Variants in RECQL5 observed in about 807,000 individuals in gnomAD.
RECQL5 encodes RecQ like helicase 5, also known as ATP-dependent DNA helicase Q5.
In RECQL5, 88 loss-of-function variants were observed where a neutral mutation model predicts 103.4. The ratio of observed to expected loss-of-function variants is 0.85; its 90% CI spans 0.72 to 1.02. The LOEUF (loss-of-function observed/expected upper bound fraction) is 1.02, where lower values mean the gene tolerates loss of function less well. Among genes scored for constraint, RECQL5 ranks in the 50% least tolerant of loss-of-function variants. The pLI is 0.00. For missense variants in RECQL5, 1,232 were observed against 1,284.3 expected (o/e 0.96, Z 0.62); for synonymous variants, 552 against 507.9 (o/e 1.09, Z -1.17).
chr17:75,631,118 C>T, intron 10 of RECQL5, 32 bp downstream of exon 10: 4 of 1,611,034 alleles, frequency 2.5e-6, no homozygotes, highest in African/African-American at 1.3e-5. Flanking sequence ...CCACCAGGGG[C>T]CCCACACAGG....
At position 75,640,727 on chromosome 17, in the gene RECQL5, G is replaced by T; in HGVS notation, c.1230-9059C>A. 6.6e-7 allele frequency: 1 copy of T among 1,525,178 alleles called. No individual in the cohort carries two copies. The allele number at this position is 1,525,178 out of a possible 1,614,324, so 94.5% of individuals were successfully genotyped here. A position where few individuals can be genotyped will look rare whatever the true frequency, so the allele number is the denominator to read the frequency against. On this transcript the variant is annotated intron_variant, in intron 8 of 19. Transcript: ENST00000317905. The surrounding 1 kb of genome is among the most constrained non-coding windows in gnomAD (Gnocchi z 4.6). ...CCCTGGCAGGCAGTGGGTTTCTCTG[G>T]GAGGAGGGTGGGCATCCTTTCTCTC...
intron 9 of RECQL5, 27 bp from the exon 10 acceptor site, chr17:75,631,276 C>T (rs1568259749): frequency 6.2e-7 from 1 of 1,608,196 alleles, no homozygotes; most frequent in Non-Finnish European, 8.5e-7. Context: ...CGTGAGTGGC[C>T]CTGGCCTGGG....
intron 8 of RECQL5, among the ~76,000 whole-genome samples, chr17:75,634,921 T>C (rs2059290437): frequency 6.6e-6 from 1 of 152,086 alleles, no homozygotes; most frequent in African/African-American, 2.4e-5. Flanking sequence ...GCCACCGTGA[T>C]GCACAGGCTG....
rs1417082679 is a variant in RECQL5 at position 75,627,524 on chromosome 17, T to C, written c.2876-2A>G. 1 of 1,613,614 alleles carries C rather than the reference T, an allele frequency of 6.2e-7. No individual in the cohort carries two copies. The highest frequency in any genetic ancestry group is 8.5e-7 in the Non-Finnish European group (1 of 1,179,826). On this transcript the variant is annotated splice_acceptor_variant, in intron 19 of 19. Transcript: ENST00000317905. LOFTEE classifies it high-confidence loss of function. Reference sequence around the variant, plus strand: ...TGAGGTTCTGGGCCTCTTCTTTCACTACAGATTCAGGGTGGGGGCATGAGG... The same window carrying C: ...TGAGGTTCTGGGCCTCTTCTTTCACCACAGATTCAGGGTGGGGGCATGAGG...
chr17:75,630,822 A>C lies in RECQL5; in HGVS notation c.1601T>G (p.Leu534Arg). ...GATCCTCCTGCTAGAAGCCTCTTTC[A>C]GGGGACAGTTCTCATCTGTGGGGGG... ...EFVPPDENCP[L>R]KEASSRRIPR... Residue 534 changes from leucine to arginine, a missense_variant, in exon 12 of 20, where the codon CTG becomes CGG. Coordinates refer to ENST00000317905, the MANE Select transcript of RECQL5 (RefSeq NM_004259.7). 1 of 1,209,358 alleles carries C rather than the reference A, an allele frequency of 8.3e-7. No individual in the cohort carries two copies. The highest frequency in any genetic ancestry group is 1.1e-6 in the Non-Finnish European group (1 of 904,228). The allele number at this position is 1,209,358 out of a possible 1,614,324, so 74.9% of individuals were successfully genotyped here. A position where few individuals can be genotyped will look rare whatever the true frequency, so the allele number is the denominator to read the frequency against.
Position 75,666,435 on chromosome 17 carries a change from T to C in RECQL5, c.123A>G (p.Val41=). ...GTAGCTTGGTAATGTTACCTTTTAC[T>C]ACAGCCATGGTCGCACTCTCCTGTA... The part of the protein sequence containing the change: ...TPLQESATMA[V]VKGNKDVFVC... The change falls in exon 2 of 20, where the codon GTA becomes GTG. Residue 41 remains valine, a synonymous_variant. Coordinates refer to ENST00000317905, the MANE Select transcript of RECQL5 (RefSeq NM_004259.7). 6.2e-7 allele frequency: 1 copy of C among 1,613,932 alleles called. No individual in the cohort carries two copies. The highest frequency in any genetic ancestry group is 8.5e-7 in the Non-Finnish European group (1 of 1,179,946).
chr17:75,629,161 G>A lies in RECQL5; in HGVS notation c.2262C>T (p.Ala754=). ...TCTGAGAATCCTTGTGGGCCGCTGT[G>A]GCTAGGAGCTGCTGTTTCTTGCTAG... The part of the protein sequence containing the change: ...GRASKKQQLL[A]TAAHKDSQSI... The change falls in exon 16 of 20, where the codon GCC becomes GCT. Residue 754 remains alanine (A), a synonymous_variant. Transcript: ENST00000317905. The A allele has an allele frequency of 1.2e-6, 2 of 1,613,820 alleles. No individual in the cohort carries two copies. Among genetic ancestry groups the A allele is most frequent in the Non-Finnish European group, 1.7e-6 (2 of 1,180,004 alleles).
rs2059333100 is a variant in RECQL5 at position 75,636,885 on chromosome 17, G to A, written c.1230-5217C>T. ...ACCCCTGGGTCAGACCCTGGGGCTGGGTGAGGCTGGCCATGCCTGGCTGGC... is the reference window on the plus strand; with the variant it reads ...ACCCCTGGGTCAGACCCTGGGGCTGAGTGAGGCTGGCCATGCCTGGCTGGC... On this transcript the variant is annotated intron_variant, in intron 8 of 19. Transcript: ENST00000317905. The surrounding 1 kb of genome is among the most constrained non-coding windows in gnomAD (Gnocchi z 5.4). The A allele has an allele frequency of 6.6e-6, 1 of 152,302 alleles. No homozygotes were observed. The highest frequency in any genetic ancestry group is 1.5e-5 in the Non-Finnish European group (1 of 68,108). The allele number at this position is 152,302 out of a possible 1,614,324, so 9.4% of individuals were successfully genotyped here.
In RECQL5 at chr17:75,631,702, G is replaced by C. The variant is rs768747493; in HGVS notation, c.1230-34C>G. Reference sequence around the variant, plus strand: ...GGCAGCACCGCAGAGGTGAGGGGCGGAGAGCCCAGTCGGCCAGCGTCTGTT... The same window carrying C: ...GGCAGCACCGCAGAGGTGAGGGGCGCAGAGCCCAGTCGGCCAGCGTCTGTT... On this transcript the variant is annotated intron_variant, in intron 8 of 19. Coordinates refer to ENST00000317905, the MANE Select transcript of RECQL5 (RefSeq NM_004259.7). 1.1e-5 allele frequency: 17 copies of C among 1,596,316 alleles called. No individual in the cohort carries two copies. The South Asian group carries it at 1.9e-4, about 18-fold the overall frequency.
chr17:75,665,162 G>T lies in RECQL5; in HGVS notation c.141C>A (p.Asp47Glu). The T allele has an allele frequency of 6.2e-7, 1 of 1,608,494 alleles. No homozygotes were observed. Among genetic ancestry groups the T allele is most frequent in the Non-Finnish European group, 8.5e-7 (1 of 1,178,314 alleles). The change falls in exon 3 of 20, where the codon GAC becomes GAA. Residue 47 changes from aspartate to glutamate, a missense_variant. Asp to Glu is a conservative substitution (Grantham distance 45). Coordinates refer to ENST00000317905, the MANE Select transcript of RECQL5 (RefSeq NM_004259.7). Reference sequence around the variant, plus strand: ...CCCCTGTGGGCATGCACACAAAGACGTCCTTGTTACCTGAAAAAATACAAG... The same window carrying T: ...CCCCTGTGGGCATGCACACAAAGACTTCCTTGTTACCTGAAAAAATACAAG... ...ATMAVVKGNK[D>E]VFVCMPTGAG...
At chr17:75,651,894 G>C (rs545371957) in intron 7 of RECQL5, among the ~76,000 whole-genome samples, 1 of 152,246 alleles carries the variant, frequency 6.6e-6, no homozygotes, top group African/African-American at 2.4e-5. Context: ...GTATATTGGA[G>C]GGAGATATAT....
At position 75,627,460 on chromosome 17, in the gene RECQL5, C is replaced by T. The variant is rs761941890; in HGVS notation, c.2938G>A (p.Glu980Lys). 1.8e-5 allele frequency: 29 copies of T among 1,613,592 alleles called. No individual in the cohort carries two copies. The highest frequency in any genetic ancestry group is 1.3e-4 in the South Asian group (12 of 91,094). The stretch of plus-strand genomic sequence containing the variant: ...CCACACAGGCCATGCCAGTCAGCTT[C>T]GCTCTCGCACCGGGCCCGGCCATGG... Reference protein sequence around the residue: ...FFHGRARCESEADWHGLCGPQ... With the variant: ...FFHGRARCESKADWHGLCGPQ... The change falls in exon 20 of 20, where the codon GAA becomes AAA. Residue 980 changes from glutamate to lysine, a missense_variant. By Grantham distance (56) the Glu-to-Lys change is moderately conservative. Transcript: ENST00000317905.
intron 8 of RECQL5, among the ~76,000 whole-genome samples, chr17:75,648,474 G>T (rs565778049): frequency 6.6e-6 from 1 of 151,868 alleles, no homozygotes; most frequent in Non-Finnish European, 1.5e-5. Flanking sequence ...CCCGGGTCAC[G>T]CCATTCTCCT....
intron 1 of RECQL5, 91 bp from the exon 2 acceptor site, chr17:75,666,662 T>G: frequency 1.6e-6 from 2 of 1,274,424 alleles, no homozygotes; most frequent in Non-Finnish European, 2.2e-6. Context: ...CTGTAACAAT[T>G]TGCTATATTA....
At chr17:75,660,330 A>G (rs969902193) in intron 6 of RECQL5, among the ~76,000 whole-genome samples, 1 of 152,242 alleles carries the variant, frequency 6.6e-6, no homozygotes, top group African/African-American at 2.4e-5. Context: ...TTGGCTTCCC[A>G]AAGTGCTGGG....
At chr17:75,647,686 C>T (rs1182533905) in intron 8 of RECQL5, 3 of 967,082 alleles carry the variant, frequency 3.1e-6, no homozygotes, top group Non-Finnish European at 4.6e-6. Flanking sequence ...TCTTCCTTTC[C>T]CATCAGGAAA....
At chr17:75,659,763 G>A (rs561937585) in intron 6 of RECQL5, among the ~76,000 whole-genome samples, 1 of 152,186 alleles carries the variant, frequency 6.6e-6, no homozygotes, top group Non-Finnish European at 1.5e-5. Flanking sequence ...CGAAGACCAT[G>A]TATGCAAACA....
Position 75,640,385 on chromosome 17 carries a change from C to T in RECQL5, c.1230-8717G>A. ...TCCCTGGCATCTGGGAGAGACCACACCATGGTGCCAGCCAGAGGGCTGGCA... is the reference window on the plus strand; with the variant it reads ...TCCCTGGCATCTGGGAGAGACCACATCATGGTGCCAGCCAGAGGGCTGGCA... On this transcript the variant is annotated intron_variant, in intron 8 of 19. Coordinates refer to ENST00000317905, the MANE Select transcript of RECQL5 (RefSeq NM_004259.7). This position sits in a 1 kb window ranked among gnomAD's most constrained non-coding sequence, Gnocchi z 4.6. 1 of 1,475,042 alleles carries T rather than the reference C, an allele frequency of 6.8e-7. No individual in the cohort carries two copies. Among genetic ancestry groups the T allele is most frequent in the East Asian group, 2.5e-5 (1 of 39,864 alleles). 91.4% of individuals were successfully genotyped at this position (1,475,042 alleles called of 1,614,324 possible).
chr17:75,642,192 T>G (rs2059442939), intron 8 of RECQL5, among the ~76,000 whole-genome samples: 1 of 151,774 alleles, frequency 6.6e-6, no homozygotes, highest in Non-Finnish European at 1.5e-5. Flanking sequence ...AACCCAGGAG[T>G]GAGGGGAGGG....
Sources: gnomAD v4.1 joint callset for allele counts (sites outside exome capture counted in the v4.1 genomes callset) on GRCh38, gnomAD v4.1.1 for gene constraint, Gnocchi (gnomAD v3.1) non-coding constraint, MANE v1.5 for transcripts, NCBI Gene and HGNC (gene_info 2026-07-23, HGNC 2026-07-21) for gene names.